Variants in DAB1 observed in about 807,000 individuals in gnomAD.
DAB1 encodes DAB adaptor protein 1.
Under a neutral mutation model 64.6 loss-of-function variants are expected in DAB1, and 15 were observed. That is an observed-to-expected ratio of 0.23 (90% confidence interval 0.16 to 0.36). DAB1 has a LOEUF of 0.36. Ranked by LOEUF, DAB1 falls within the 10% of genes least tolerant of loss-of-function variation. DAB1 has a pLI of 1.00. For missense variants in DAB1, 596 were observed against 706.7 expected (o/e 0.84, Z 1.78); for synonymous variants, 235 against 251.9 (o/e 0.93, Z 0.64).
chr1:58,210,975 A>T (rs1658524791), intron 4 of DAB1, among the ~76,000 whole-genome samples: 1 of 152,114 alleles, frequency 6.6e-6, no homozygotes, highest in South Asian at 2.1e-4. Context: ...AAGTTGGGGG[A>T]AGAGAGCATT....
In DAB1 at chr1:57,276,653, G is replaced by A. The variant is rs545764766; in HGVS notation, c.67+14311C>T. Among the ~76,000 whole-genome samples the A allele has an allele frequency of 4.0e-4, 61 of 152,290 alleles. 1 individual carries two copies. The South Asian group carries it at 0.012, about 31-fold the overall frequency. On this transcript the variant is annotated intron_variant, in intron 2 of 14. Transcript: ENST00000371236. ...AGGGTAGGATTTGTTTTTCACAAGTGGGGGTTTACAGATCTTCAATAACAG... is the reference window on the plus strand; with the variant it reads ...AGGGTAGGATTTGTTTTTCACAAGTAGGGGTTTACAGATCTTCAATAACAG...
intron 5 of DAB1, among the ~76,000 whole-genome samples, chr1:58,063,341 A>G (rs1159429434): frequency 6.6e-6 from 1 of 152,142 alleles, no homozygotes; most frequent in African/African-American, 2.4e-5. Flanking sequence ...ACAGCTGCAA[A>G]TTAGCCTTGC....
chr1:57,904,778 A>G (rs1371331532), intron 5 of DAB1, among the ~76,000 whole-genome samples: 3 of 152,120 alleles, frequency 2.0e-5, no homozygotes, highest in Non-Finnish European at 4.4e-5. Context: ...CAGCTTAAGG[A>G]TGGTAAGTGA....
chr1:58,199,160 C>T (rs1232311301), intron 4 of DAB1, among the ~76,000 whole-genome samples: 2 of 152,076 alleles, frequency 1.3e-5, no homozygotes, highest in African/African-American at 4.8e-5. Flanking sequence ...TCCTATTGAT[C>T]CCATAAGAAG....
chr1:57,049,435 A>T (rs906991574), intron 9 of DAB1, among the ~76,000 whole-genome samples: 1 of 118,626 alleles, frequency 8.4e-6, no homozygotes, highest in Non-Finnish European at 1.7e-5. Context: ...TGGGCAACAG[A>T]GCAAGACTCC....
chr1:57,904,935 T>C (rs1283740556), intron 5 of DAB1, among the ~76,000 whole-genome samples: 1 of 152,130 alleles, frequency 6.6e-6, no homozygotes, highest in East Asian at 1.9e-4. Flanking sequence ...TGAATTTATG[T>C]TTTTAAAAGA....
At chr1:57,454,612 G>T (rs1055713767) in intron 7 of DAB1, among the ~76,000 whole-genome samples, 20 of 152,010 alleles carry the variant, frequency 1.3e-4, no homozygotes, top group Non-Finnish European at 2.6e-4. Context: ...TGTGACACGA[G>T]TTTACCTATT....
At chr1:58,250,425 TGGCAGCAGTAGTGGCGGTGGCAGCAGA>T (rs1660757187) in intron 4 of DAB1, among the ~76,000 whole-genome samples, 1 of 152,192 alleles carries the variant, frequency 6.6e-6, no homozygotes, top group Non-Finnish European at 1.5e-5. Flanking sequence ...GCGGCTCCGC[TGGCAGCAGTAGTGGCGGTGGCAGCAGA>T]GGCAGCGGTA....
At chr1:57,106,261 C>A (rs1655140922) in intron 4 of DAB1, among the ~76,000 whole-genome samples, 1 of 151,074 alleles carries the variant, frequency 6.6e-6, no homozygotes, top group South Asian at 2.2e-4. Flanking sequence ...CCTAACACCC[C>A]CCCCCATCAG....
intron 1 of DAB1, among the ~76,000 whole-genome samples, chr1:57,332,164 G>A (rs757267742): frequency 2.4e-4 from 36 of 152,180 alleles, no homozygotes; most frequent in Admixed American, 3.9e-4. Flanking sequence ...GGGTTTCACC[G>A]TGTTGGCCAG....
At chr1:57,688,017 G>A (rs909967743) in intron 6 of DAB1, among the ~76,000 whole-genome samples, 2 of 151,942 alleles carry the variant, frequency 1.3e-5, no homozygotes, top group African/African-American at 2.4e-5. Context: ...ATAATTTTTG[G>A]CTAAGTGCCC....
At chr1:57,738,761 G>T (rs1647819512) in intron 6 of DAB1, among the ~76,000 whole-genome samples, 1 of 152,186 alleles carries the variant, frequency 6.6e-6, no homozygotes, top group African/African-American at 2.4e-5. Context: ...CCTTATTTCT[G>T]TTTTGGGTAA....
chr1:57,882,339 C>G (rs533765840), intron 1 of DAB1, among the ~76,000 whole-genome samples: 2 of 152,074 alleles, frequency 1.3e-5, no homozygotes, highest in Admixed American at 6.6e-5. Flanking sequence ...AATGACAGTA[C>G]GAACATCAGA....
At chr1:58,504,686 T>C (rs1439343889) in intron 3 of DAB1, among the ~76,000 whole-genome samples, 1 of 152,210 alleles carries the variant, frequency 6.6e-6, no homozygotes, top group African/African-American at 2.4e-5. Flanking sequence ...TAAATATCGA[T>C]CTACCTAATG....
intron 6 of DAB1, among the ~76,000 whole-genome samples, chr1:57,680,543 G>A (rs936984078): frequency 6.6e-6 from 1 of 152,160 alleles, no homozygotes; most frequent in Admixed American, 6.5e-5. Context: ...GTGATGATGA[G>A]TGAGGCTTCT....
intron 2 of DAB1, among the ~76,000 whole-genome samples, chr1:57,254,304 C>G (rs1669592409): frequency 6.6e-6 from 1 of 152,178 alleles, no homozygotes; most frequent in Non-Finnish European, 1.5e-5. Flanking sequence ...GTGAGGACAA[C>G]CCAGTGTCAC....
chr1:57,679,717 C>T (rs1646614063), intron 6 of DAB1, among the ~76,000 whole-genome samples: 1 of 152,102 alleles, frequency 6.6e-6, no homozygotes, highest in Admixed American at 6.5e-5. Flanking sequence ...GCATAGAAAA[C>T]AAAGTGGGAG....
rs1483230108 is a variant in DAB1, at chr1:58,300,633, AGAGAGAGAGAGAGAGGAAGGAAGG to A, written n.309+42695_309+42718del. Among the ~76,000 whole-genome samples, 61 of 64,372 alleles carry A rather than the reference AGAGAGAGAGAGAGAGGAAGGAAGG, an allele frequency of 9.5e-4. 1 individual carries two copies. The highest frequency in any genetic ancestry group is 6.0e-3 in the East Asian group (10 of 1,676). 42.2% of individuals were successfully genotyped at this position (64,372 alleles called of 152,430 possible). On this transcript the variant is annotated intron_variant and non_coding_transcript_variant, in intron 4 of 20. Transcript: ENST00000485760. ...GAAAGAGAGAGAGAGAGAGAGAGAG[AGAGAGAGAGAGAGAGGAAGGAAGG>A]AAGGAAGGAAGGAAGGAAGGAAGGA...
chr1:57,432,500 A>G (rs1190756710), intron 7 of DAB1, among the ~76,000 whole-genome samples: 1 of 152,224 alleles, frequency 6.6e-6, no homozygotes, highest in African/African-American at 2.4e-5. Context: ...TTGTTACTAG[A>G]CTAGAAATTG....
Sources: allele counts gnomAD v4.1 joint callset (sites outside exome capture counted in the v4.1 genomes callset), GRCh38; gene constraint gnomAD v4.1.1; transcripts MANE v1.5; gene names NCBI Gene and HGNC (gene_info 2026-07-23, HGNC 2026-07-21).